Variants in LZTFL1 observed in about 807,000 individuals in gnomAD.
LZTFL1 encodes leucine zipper transcription factor like 1.
In LZTFL1, 25 loss-of-function variants were observed where a neutral mutation model predicts 45.9. The ratio of observed to expected loss-of-function variants is 0.54; its 90% CI spans 0.40 to 0.76. The LOEUF is 0.76. Among genes scored for constraint, LZTFL1 ranks in the 30% least tolerant of loss-of-function variants. The pLI, the probability that LZTFL1 is intolerant of heterozygous loss-of-function variation, is 0.00. For synonymous variants in LZTFL1, 93 were observed against 117.4 expected (o/e 0.79, Z 1.35); for missense variants, 277 against 331.1 (o/e 0.84, Z 1.27).
chr3:45,833,065 T>C lies in LZTFL1; in HGVS notation c.441A>G (p.Ala147=), dbSNP rs1341880330. Residue 147 remains alanine, a synonymous_variant, in exon 5 of 10, where the codon GCA becomes GCG. Transcript: ENST00000296135. Reference sequence around the variant, plus strand: ...ATAATATTACCTTGTTTAGGAGTTCTGCTGTTCCACCTTCATTAAGTGGAG... The same window carrying C: ...ATAATATTACCTTGTTTAGGAGTTCCGCTGTTCCACCTTCATTAAGTGGAG... ...KLAPLNEGGT[A]ELLNKEILRL... 3 of 1,612,988 alleles carry C rather than the reference T, an allele frequency of 1.9e-6. No individual in the cohort carries two copies. The East Asian group carries it at 6.7e-5, about 36-fold the overall frequency.
chr3:45,865,659 T>A (rs1404665681), intron 2 of LZTFL1, among the ~76,000 whole-genome samples: 1 of 152,244 alleles, frequency 6.6e-6, no homozygotes. Context: ...CTTATGTAAT[T>A]TTAAGAGAGG....
chr3:45,824,740 G>T lies in LZTFL1; in HGVS notation c.*1574C>A. On this transcript the variant is annotated 3_prime_UTR_variant, in exon 10 of 10. Transcript: ENST00000296135. ...AAGAGTTCTGCTTCTGAATTACATAGAACATCTTGGTCCACAGACAATGGA... is the reference window on the plus strand; with the variant it reads ...AAGAGTTCTGCTTCTGAATTACATATAACATCTTGGTCCACAGACAATGGA... The T allele has an allele frequency of 2.5e-6, 1 of 397,828 alleles. No homozygotes were observed. The highest frequency in any genetic ancestry group is 1.3e-4 in the South Asian group (1 of 7,818). 24.6% of individuals were successfully genotyped at this position (397,828 alleles called of 1,614,324 possible).
chr3:45,914,182 C>G (rs762275423), intron 1 of LZTFL1, among the ~76,000 whole-genome samples: 3 of 152,264 alleles, frequency 2.0e-5, no homozygotes, highest in Non-Finnish European at 2.9e-5. Context: ...AGTGGTGACA[C>G]AGCAACGTTC....
rs986877486 is a variant in LZTFL1 at position 45,834,376 on chromosome 3, G to A, written c.324-78C>T. The A allele has an allele frequency of 2.4e-5, 22 of 907,220 alleles. No homozygotes were observed. In the Admixed American group the frequency reaches 3.9e-4, roughly 16 times the overall value. 56.2% of individuals were successfully genotyped at this position (907,220 alleles called of 1,614,324 possible). A position where few individuals can be genotyped will look rare whatever the true frequency, so the allele number is the denominator to read the frequency against. On this transcript the variant is annotated intron_variant, in intron 3 of 9. Transcript: ENST00000296135. Reference sequence around the variant, plus strand: ...ACACGCAAGAAGAGTAAAATCACTGGTACCAACCCATTACATGCCAGAGAG... The same window carrying A: ...ACACGCAAGAAGAGTAAAATCACTGATACCAACCCATTACATGCCAGAGAG...
In LZTFL1 at chr3:45,889,906, C is replaced by G. The variant is rs777621637; in HGVS notation, c.-215+23214G>C. Among the ~76,000 whole-genome samples the G allele has an allele frequency of 8.6e-5, 13 of 151,310 alleles. 1 individual carries two copies. The highest frequency in any genetic ancestry group is 4.0e-4 in the Admixed American group (6 of 15,136). Reference sequence around the variant, plus strand: ...CCAACATATATCCCTATACCTGGACCCTTGTGTTCTTTTGTGAGAATACCA... The same window carrying G: ...CCAACATATATCCCTATACCTGGACGCTTGTGTTCTTTTGTGAGAATACCA... On this transcript the variant is annotated intron_variant, in intron 2 of 4. Transcript: ENST00000472635.
intron 3 of LZTFL1, among the ~76,000 whole-genome samples, chr3:45,857,755 A>G (rs1056233576): frequency 4.6e-5 from 7 of 152,238 alleles, no homozygotes; most frequent in Non-Finnish European, 7.3e-5. Context: ...TCCAAAACAA[A>G]ATTGAGAGGA....
At chr3:45,839,175 G>A (rs917969954) in intron 1 of LZTFL1, among the ~76,000 whole-genome samples, 2 of 151,972 alleles carry the variant, frequency 1.3e-5, no homozygotes, top group South Asian at 2.1e-4. Flanking sequence ...TGCAAGTTCC[G>A]CCTCCTGGGT....
At chr3:45,913,228 T>G in intron 1 of LZTFL1, 1 of 1,303,290 alleles carries the variant, frequency 7.7e-7, no homozygotes, top group Non-Finnish European at 1.1e-6. Flanking sequence ...ATTGTTACTA[T>G]TAACAAACCA....
chr3:45,846,827 G>A (rs543426317), upstream of LZTFL1, among the ~76,000 whole-genome samples: 1 of 152,144 alleles, frequency 6.6e-6, no homozygotes. Flanking sequence ...GGCACACTCG[G>A]TGTAACTTTA....
rs1385780441 is a variant in LZTFL1 at position 45,900,400 on chromosome 3, A to G, written c.-215+12720T>C. 6.6e-6 allele frequency among the ~76,000 whole-genome samples: 1 copy of G among 152,092 alleles called. No individual in the cohort carries two copies. The highest frequency in any genetic ancestry group is 6.5e-5 in the Admixed American group (1 of 15,278). On this transcript the variant is annotated intron_variant, in intron 2 of 4. Coordinates refer to the LZTFL1 transcript ENST00000472635. The surrounding 1 kb of genome is among the most constrained non-coding windows in gnomAD (Gnocchi z 4.7). ...GTCAGTGAAAAACTGAATAGATAGG[A>G]GAAGTACGATCACAGTCATATCACA...
At position 45,879,327 on chromosome 3, in the gene LZTFL1, A is replaced by G. The variant is rs138395380; in HGVS notation, c.-214-20311T>C. On this transcript the variant is annotated intron_variant, in intron 2 of 4. Transcript: ENST00000472635. ...CAGACAATAGTTTATGTTATTCAAC[A>G]CTAAAAAGAAATGAGCTAGCAAGCC... Among the ~76,000 whole-genome samples, 6 of 152,360 alleles carry G rather than the reference A, an allele frequency of 3.9e-5. No homozygotes were observed. In the East Asian group the frequency reaches 1.2e-3, roughly 29 times the overall value.
intron 2 of LZTFL1, among the ~76,000 whole-genome samples, chr3:45,870,634 G>C (rs1701657208): frequency 6.6e-6 from 1 of 152,206 alleles, no homozygotes; most frequent in Admixed American, 6.5e-5. Flanking sequence ...TAACATTTAA[G>C]ACAAGCAACA....
At chr3:45,870,206 G>T (rs1351661977) in intron 2 of LZTFL1, among the ~76,000 whole-genome samples, 2 of 152,204 alleles carry the variant, frequency 1.3e-5, no homozygotes, top group Admixed American at 1.3e-4. Flanking sequence ...AAGCTATGTG[G>T]TTTGGGGTCA....
At chr3:45,865,625 A>G (rs1701566363) in intron 2 of LZTFL1, among the ~76,000 whole-genome samples, 1 of 152,240 alleles carries the variant, frequency 6.6e-6, no homozygotes, top group South Asian at 2.1e-4. Context: ...TTTTCTTTTT[A>G]TAACAGGAGG....
intron 2 of LZTFL1, among the ~76,000 whole-genome samples, chr3:45,882,197 C>T (rs1442101487): frequency 6.6e-6 from 1 of 152,182 alleles, no homozygotes; most frequent in East Asian, 1.9e-4. Context: ...GGGCTTCAAC[C>T]ATGGCCAGTA....
upstream of LZTFL1, among the ~76,000 whole-genome samples, chr3:45,844,501 A>G (rs965852423): frequency 1.3e-5 from 2 of 152,234 alleles, no homozygotes; most frequent in Non-Finnish European, 2.9e-5. Flanking sequence ...CTGAAAGGTT[A>G]TATGGGAAAG....
chr3:45,873,093 C>G (rs1701695008), intron 2 of LZTFL1, among the ~76,000 whole-genome samples: 1 of 152,132 alleles, frequency 6.6e-6, no homozygotes. Context: ...TAAAATAAGA[C>G]TTAAGACAAA....
chr3:45,841,242 T>G (rs551552390), intron 1 of LZTFL1, among the ~76,000 whole-genome samples: 1 of 152,342 alleles, frequency 6.6e-6, no homozygotes, highest in African/African-American at 2.4e-5. Flanking sequence ...TGCTGAAGTA[T>G]TTCAGTAGCT....
chr3:45,851,850 T>TC (rs398105833), intron 4 of LZTFL1, among the ~76,000 whole-genome samples: 1 of 151,536 alleles, frequency 6.6e-6, no homozygotes, highest in East Asian at 1.9e-4. Context: ...ATTTTTTTTT[T>TC]GTTCTTGTTC....
Sources: allele counts gnomAD v4.1 joint callset (sites outside exome capture counted in the v4.1 genomes callset), GRCh38; gene constraint gnomAD v4.1.1; non-coding constraint Gnocchi (gnomAD v3.1); transcripts MANE v1.5; gene names NCBI Gene and HGNC (gene_info 2026-07-23, HGNC 2026-07-21).